Variants in FAM163A observed in about 807,000 individuals in gnomAD.
FAM163A encodes the protein protein FAM163A.
FAM163A carries 7 observed loss-of-function variants against 12.0 expected under a neutral mutation model. The observed-to-expected ratio is 0.58, with a 90% CI of 0.33 to 1.10. The LOEUF (loss-of-function observed/expected upper bound fraction) is 1.10. Ranked by LOEUF, FAM163A falls within the 50% of genes least tolerant of loss-of-function variation. FAM163A has a pLI of 0.03. For missense variants in FAM163A, 202 were observed against 218.6 expected, an observed-to-expected ratio of 0.92 and a Z score of 0.48; for synonymous variants, 101 against 91.0, an observed-to-expected ratio of 1.11 and a Z score of -0.62.
At chr1:179,808,851 T>C (rs765810328) in intron 2 of FAM163A, among the ~76,000 whole-genome samples, 1 of 152,130 alleles carries the variant, frequency 6.6e-6, no homozygotes, top group Non-Finnish European at 1.5e-5. Context: ...AAGGAGATAT[T>C]GCCAGCATTT....
chr1:179,731,475 C>T, the FAM163A span, among the ~76,000 whole-genome samples: 4 of 152,110 alleles, frequency 2.6e-5, no homozygotes, highest in Admixed American at 6.6e-5. Flanking sequence ...TGAAAGCAAC[C>T]GGAATGAAAT....
At chr1:179,781,047 G>A (rs571595105) in intron 1 of FAM163A, among the ~76,000 whole-genome samples, 56 of 152,270 alleles carry the variant, frequency 3.7e-4, no homozygotes, top group African/African-American at 1.1e-3. Context: ...TATGAAAACC[G>A]TAGAGACGAG....
At chr1:179,743,611 C>A (rs896880713) in intron 1 of FAM163A, among the ~76,000 whole-genome samples, 188 bp downstream of exon 1, 3 of 152,200 alleles carry the variant, frequency 2.0e-5, no homozygotes, top group African/African-American at 7.2e-5. Flanking sequence ...GCGCCGCCTT[C>A]AGCGTAGCAG....
At chr1:179,760,751 T>C (rs1205896268) in intron 1 of FAM163A, among the ~76,000 whole-genome samples, 1 of 152,194 alleles carries the variant, frequency 6.6e-6, no homozygotes, top group Non-Finnish European at 1.5e-5. Context: ...TGTCTGGTCT[T>C]CTCCAATACA....
At chr1:179,807,687 G>A (rs990322625) in intron 1 of FAM163A, 111 bp from the exon 2 acceptor site, 2 of 152,474 alleles carry the variant, frequency 1.3e-5, no homozygotes, top group Non-Finnish European at 2.9e-5. Flanking sequence ...CAAACCCCTG[G>A]AGAGACTTCC....
chr1:179,734,460 A>G, the FAM163A span, among the ~76,000 whole-genome samples: 1 of 152,208 alleles, frequency 6.6e-6, no homozygotes, highest in African/African-American at 2.4e-5. Context: ...AATAATACCA[A>G]TCAATAAAAA....
intron 1 of FAM163A, among the ~76,000 whole-genome samples, chr1:179,750,526 G>C (rs1216266504): frequency 6.6e-6 from 1 of 152,172 alleles, no homozygotes. Context: ...AATGGGCAGA[G>C]ACCATGGCTA....
intron 1 of FAM163A, among the ~76,000 whole-genome samples, chr1:179,802,030 G>A (rs1693250992): frequency 6.6e-6 from 1 of 152,224 alleles, no homozygotes; most frequent in African/African-American, 2.4e-5. Context: ...CTCCCTGGGG[G>A]AAGTGAAAGC....
At chr1:179,734,642 G>A in the FAM163A span, among the ~76,000 whole-genome samples, 19 of 152,196 alleles carry the variant, frequency 1.2e-4, no homozygotes, top group Admixed American at 1.2e-3. Context: ...TATTTTAAGG[G>A]TGCTAATCCC....
chr1:179,751,656 TG>T (rs1685289015), intron 1 of FAM163A, among the ~76,000 whole-genome samples: 1 of 151,898 alleles, frequency 6.6e-6, no homozygotes, highest in South Asian at 2.1e-4. Context: ...ATTGAGGACC[TG>T]TAAAAGCCAG....
chr1:179,736,197 A>G, the FAM163A span, among the ~76,000 whole-genome samples: 1 of 152,196 alleles, frequency 6.6e-6, no homozygotes, highest in Non-Finnish European at 1.5e-5. Context: ...CATTAAACGA[A>G]AAAGCTTCTA....
chr1:179,740,173 TTG>T (rs1683463500), upstream of FAM163A, among the ~76,000 whole-genome samples: 1 of 28,774 alleles, frequency 3.5e-5, no homozygotes, highest in East Asian at 0.083. Context: ...TATTTGGTTT[TTG>T]TTGTTGTTGT....
intron 1 of FAM163A, among the ~76,000 whole-genome samples, chr1:179,756,999 A>G (rs1052192723): frequency 6.6e-6 from 1 of 152,252 alleles, no homozygotes; most frequent in Non-Finnish European, 1.5e-5. Flanking sequence ...GCAAGGAAGT[A>G]GAGACAGCAA....
intron 1 of FAM163A, among the ~76,000 whole-genome samples, chr1:179,770,187 G>A (rs190241242): frequency 4.6e-5 from 7 of 151,720 alleles, no homozygotes; most frequent in Admixed American, 2.0e-4. Flanking sequence ...TTACAGGTGT[G>A]AGCCACCGCG....
At chr1:179,757,784 C>G (rs879392686) in intron 1 of FAM163A, among the ~76,000 whole-genome samples, 3 of 152,014 alleles carry the variant, frequency 2.0e-5, no homozygotes, top group Admixed American at 2.0e-4. Context: ...TGCACTCCAG[C>G]CTGAGCGACA....
At position 179,807,312 on chromosome 1, in the gene FAM163A, T is replaced by C. The variant is rs1374709390; in HGVS notation, c.-135-486T>C. Among the ~76,000 whole-genome samples the C allele has an allele frequency of 4.6e-5, 7 of 151,026 alleles. No homozygotes were observed. In the South Asian group the frequency reaches 1.1e-3, roughly 23 times the overall value. ...CCTGATAGAAGTCAGGATATTGGAGTAGGGGAAGGAAGTGTGCAGCCCGGG... is the reference window on the plus strand; with the variant it reads ...CCTGATAGAAGTCAGGATATTGGAGCAGGGGAAGGAAGTGTGCAGCCCGGG... On this transcript the variant is annotated intron_variant, in intron 1 of 4. Transcript: ENST00000341785.
At chr1:179,747,596 C>T (rs911806477) in intron 1 of FAM163A, among the ~76,000 whole-genome samples, 5 of 152,204 alleles carry the variant, frequency 3.3e-5, no homozygotes, top group Admixed American at 1.3e-4. Flanking sequence ...CTCTTTATCT[C>T]GGGTATATGT....
At chr1:179,775,690 C>T (rs1253342824) in intron 1 of FAM163A, among the ~76,000 whole-genome samples, 1 of 152,172 alleles carries the variant, frequency 6.6e-6, no homozygotes, top group Non-Finnish European at 1.5e-5. Context: ...TCAACACTCA[C>T]ATTCAGTATT....
intron 1 of FAM163A, among the ~76,000 whole-genome samples, chr1:179,792,854 C>T (rs756137636): frequency 2.6e-5 from 4 of 151,140 alleles, no homozygotes; most frequent in Admixed American, 6.6e-5. Context: ...GGGACCCATA[C>T]TCTAGTGGAT....
Sources: gnomAD v4.1 joint callset for allele counts (sites outside exome capture counted in the v4.1 genomes callset) on GRCh38, gnomAD v4.1.1 for gene constraint, MANE v1.5 for transcripts, NCBI Gene and HGNC (gene_info 2026-07-23, HGNC 2026-07-21) for gene names.